TAOK3: variants seen among roughly 807,000 people sequenced by gnomAD.
TAOK3 encodes the protein TAO kinase 3.
In TAOK3, 40 loss-of-function variants were observed where a neutral mutation model predicts 120.4. The ratio of observed to expected loss-of-function variants is 0.33; its 90% CI spans 0.26 to 0.43. The LOEUF is 0.43. Among genes scored for constraint, TAOK3 ranks in the 20% least tolerant of loss-of-function variants. The pLI, the probability that TAOK3 is intolerant of heterozygous loss-of-function variation, is 1.00. For synonymous variants in TAOK3, 355 were observed against 387.5 expected, an observed-to-expected ratio of 0.92 and a Z score of 0.99; for missense variants, 821 against 1,112.1, an observed-to-expected ratio of 0.74 and a Z score of 3.72.
rs141567169 is a variant in TAOK3 at position 118,363,989 on chromosome 12, C to T, written c.-194+8659G>A. Among the ~76,000 whole-genome samples, 747 of 152,016 alleles carry T rather than the reference C, an allele frequency of 4.9e-3. 2 individuals carry two copies. The highest frequency in any genetic ancestry group is 8.6e-3 in the Non-Finnish European group (586 of 67,974). On this transcript the variant is annotated intron_variant, in intron 1 of 20. Transcript: ENST00000392533. The stretch of plus-strand genomic sequence containing the variant: ...ATACAAAATTAGCTGGGCATGGTGA[C>T]GCATGCCTGTAATCCCAGTTACGCC...
At chr12:118,204,320 A>G (rs2038185306) in intron 11 of TAOK3, among the ~76,000 whole-genome samples, 1 of 152,076 alleles carries the variant, frequency 6.6e-6, no homozygotes, top group Non-Finnish European at 1.5e-5. Context: ...AAATTTACTT[A>G]TGTAAAATTG....
intron 1 of TAOK3, among the ~76,000 whole-genome samples, chr12:118,314,666 G>A (rs1216687624): frequency 6.6e-6 from 1 of 152,180 alleles, no homozygotes; most frequent in Non-Finnish European, 1.5e-5. Flanking sequence ...TTTGGAGATG[G>A]AGAAATTGAG....
chr12:118,305,097 T>C (rs2043002307), intron 1 of TAOK3, among the ~76,000 whole-genome samples: 1 of 152,170 alleles, frequency 6.6e-6, no homozygotes, highest in East Asian at 1.9e-4. Context: ...ATAATAAATA[T>C]ATCGAGCACA....
In TAOK3 at chr12:118,253,113, G is replaced by C. The variant is rs896674948; in HGVS notation, c.120+2335C>G. On this transcript the variant is annotated intron_variant, in intron 3 of 20. Transcript: ENST00000392533. ...AGTGGGAGCCAAGTTATTGATGGTA[G>C]TGAGGGAAGCAGAAGTAATGGTAGG... is the stretch of plus-strand genomic sequence containing the variant. 2.0e-5 allele frequency among the ~76,000 whole-genome samples: 3 copies of C among 152,208 alleles called. 1 individual carries two copies. The highest frequency in any genetic ancestry group is 1.3e-4 in the Admixed American group (2 of 15,272).
intron 13 of TAOK3, among the ~76,000 whole-genome samples, chr12:118,195,833 G>A (rs1005435811): frequency 2.0e-5 from 3 of 152,090 alleles, no homozygotes; most frequent in Admixed American, 6.5e-5. Flanking sequence ...GGTGGATCAC[G>A]AGGTCAGGAG....
intron 1 of TAOK3, among the ~76,000 whole-genome samples, chr12:118,271,660 T>A (rs2041704722): frequency 6.6e-6 from 1 of 152,214 alleles, no homozygotes; most frequent in South Asian, 2.1e-4. Flanking sequence ...GGCGGATATA[T>A]GTTTTCATTT....
At chr12:118,224,697 G>T (rs903243020) in intron 9 of TAOK3, among the ~76,000 whole-genome samples, 3 of 152,020 alleles carry the variant, frequency 2.0e-5, no homozygotes, top group Non-Finnish European at 4.4e-5. Flanking sequence ...TTATAAAACA[G>T]GATTAAACAC....
intron 9 of TAOK3, among the ~76,000 whole-genome samples, chr12:118,225,187 G>A (rs1190662001): frequency 6.9e-6 from 1 of 145,930 alleles, no homozygotes; most frequent in Non-Finnish European, 1.5e-5. Flanking sequence ...GGTGGAGGTT[G>A]CAGTGAGCCA....
intron 1 of TAOK3, among the ~76,000 whole-genome samples, chr12:118,349,003 T>G: frequency 6.6e-6 from 1 of 151,960 alleles, no homozygotes; most frequent in Non-Finnish European, 1.5e-5. Context: ...GCAATTCTCT[T>G]GCCTCAGGCT....
At chr12:118,181,687 G>A (rs1285841102) in intron 14 of TAOK3, 80 bp from the exon 15 acceptor site, 6 of 1,234,196 alleles carry the variant, frequency 4.9e-6, no homozygotes, top group Non-Finnish European at 7.0e-6. Flanking sequence ...ACGGCCCTGT[G>A]GCATAATTTT....
chr12:118,197,930 G>A (rs926342872), intron 13 of TAOK3, among the ~76,000 whole-genome samples: 2 of 151,860 alleles, frequency 1.3e-5, no homozygotes, highest in East Asian at 1.9e-4. Flanking sequence ...CTCGTGATCC[G>A]CCCACCTCGG....
At chr12:118,333,187 C>A (rs1206599939) in intron 1 of TAOK3, among the ~76,000 whole-genome samples, 1 of 152,148 alleles carries the variant, frequency 6.6e-6, no homozygotes, top group African/African-American at 2.4e-5. Context: ...AATATACATT[C>A]TTCTCAAGTG....
chr12:118,240,178 C>CTTTTTT (rs57739118), intron 5 of TAOK3, among the ~76,000 whole-genome samples: 1 of 134,294 alleles, frequency 7.4e-6, no homozygotes, highest in African/African-American at 2.7e-5. Context: ...TTTCTTTACT[C>CTTTTTT]TTTTTTTTTT....
chr12:118,335,567 C>T (rs954965670), intron 1 of TAOK3, among the ~76,000 whole-genome samples: 4 of 151,970 alleles, frequency 2.6e-5, no homozygotes, highest in African/African-American at 7.3e-5. Flanking sequence ...TGGTGTCTCA[C>T]GCCTGTAATC....
intron 9 of TAOK3, among the ~76,000 whole-genome samples, chr12:118,225,115 G>A (rs1341281669): frequency 1.3e-5 from 2 of 151,858 alleles, no homozygotes; most frequent in Non-Finnish European, 2.9e-5. Flanking sequence ...GGGAGTGGTG[G>A]TGGGTGCCTG....
At chr12:118,248,481 T>C (rs1194013292) in intron 3 of TAOK3, among the ~76,000 whole-genome samples, 1 of 152,090 alleles carries the variant, frequency 6.6e-6, no homozygotes, top group Admixed American at 6.6e-5. Context: ...AAATTCAGTA[T>C]TACAATAAAG....
intron 1 of TAOK3, among the ~76,000 whole-genome samples, chr12:118,339,709 C>T (rs901311439): frequency 2.0e-5 from 3 of 151,860 alleles, no homozygotes; most frequent in Admixed American, 2.0e-4. Context: ...ACTACAGGCG[C>T]GCCACCATGC....
At chr12:118,363,564 A>G (rs987011348) in intron 1 of TAOK3, among the ~76,000 whole-genome samples, 1 of 152,214 alleles carries the variant, frequency 6.6e-6, no homozygotes, top group Non-Finnish European at 1.5e-5. Context: ...AGCAGAGAGT[A>G]GCAAGGAGGA....
chr12:118,291,361 A>T (rs572494084), intron 1 of TAOK3, among the ~76,000 whole-genome samples: 14 of 151,410 alleles, frequency 9.2e-5, no homozygotes, highest in African/African-American at 3.4e-4. Flanking sequence ...GGGTTTTACC[A>T]TGTTGGCCAG....
Sources: gnomAD v4.1 joint callset for allele counts (sites outside exome capture counted in the v4.1 genomes callset) on GRCh38, gnomAD v4.1.1 for gene constraint, MANE v1.5 for transcripts, NCBI Gene and HGNC (gene_info 2026-07-23, HGNC 2026-07-21) for gene names.